Variants in EPB41L4B observed in about 807,000 individuals in gnomAD.
EPB41L4B encodes erythrocyte membrane protein band 4.1 like 4B.
In EPB41L4B, 30 loss-of-function variants were observed where a neutral mutation model predicts 112.5. The ratio of observed to expected loss-of-function variants is 0.27; its 90% CI spans 0.20 to 0.36. EPB41L4B has a LOEUF of 0.36. Ranked by LOEUF, EPB41L4B falls within the 10% of genes least tolerant of loss-of-function variation. The pLI, the probability that EPB41L4B is intolerant of heterozygous loss-of-function variation, is 1.00. For missense variants in EPB41L4B, 1,024 were observed against 1,133.3 expected, an observed-to-expected ratio of 0.90 and a Z score of 1.38; for synonymous variants, 408 against 439.7, an observed-to-expected ratio of 0.93 and a Z score of 0.90.
chr9:109,319,554 G>C (rs770419470), intron 1 of EPB41L4B, among the ~76,000 whole-genome samples: 2 of 152,238 alleles, frequency 1.3e-5, no homozygotes, highest in Non-Finnish European at 2.9e-5. Flanking sequence ...CAGGGAATGG[G>C]AATGGGGTGT....
At position 109,237,141 on chromosome 9, in the gene EPB41L4B, T is replaced by C. The variant is rs758372412; in HGVS notation, c.1409+6477A>G. On this transcript the variant is annotated intron_variant, in intron 15 of 25. Transcript: ENST00000374566. ...TGGAGTCGCTGACCTGGAAGGATGG[T>C]GCAATATTAACAGGCAAGAAGGACT... 4.9e-4 allele frequency among the ~76,000 whole-genome samples: 75 copies of C among 152,190 alleles called. 1 individual carries two copies. Among genetic ancestry groups the C allele is most frequent in the Non-Finnish European group, 1.0e-3 (68 of 68,034 alleles).
intron 11 of EPB41L4B, 145 bp from the exon 12 acceptor site, chr9:109,253,695 T>A: frequency 1.6e-6 from 1 of 640,416 alleles, no homozygotes; most frequent in Non-Finnish European, 2.8e-6. Context: ...ACACAAAGTT[T>A]AACCTTCCAT....
intron 15 of EPB41L4B, among the ~76,000 whole-genome samples, chr9:109,225,352 A>G (rs1162033829): frequency 6.6e-6 from 1 of 152,246 alleles, no homozygotes; most frequent in Non-Finnish European, 1.5e-5. Flanking sequence ...GCTGGTAAAG[A>G]CATACCCGAG....
rs866849535 is a variant in EPB41L4B, at chr9:109,218,553, T to A, written c.1410-1408A>T. Among the ~76,000 whole-genome samples the A allele has an allele frequency of 2.6e-5, 4 of 152,122 alleles. No individual in the cohort carries two copies. The South Asian group carries it at 8.3e-4, about 32-fold the overall frequency. On this transcript the variant is annotated intron_variant, in intron 15 of 25. Coordinates refer to ENST00000374566, the MANE Select transcript of EPB41L4B (RefSeq NM_019114.5). Reference sequence around the variant, plus strand: ...TATCAGGCCCTCTAGAGCCTCTCCATGGACCCAGGTGAAGAGCCCTGGCTT... The same window carrying A: ...TATCAGGCCCTCTAGAGCCTCTCCAAGGACCCAGGTGAAGAGCCCTGGCTT...
intron 1 of EPB41L4B, among the ~76,000 whole-genome samples, chr9:109,313,326 A>G (rs997071753): frequency 1.3e-5 from 2 of 152,254 alleles, no homozygotes; most frequent in African/African-American, 4.8e-5. Flanking sequence ...AAACAATTTA[A>G]AATAAACCAG....
chr9:109,204,885 C>A (rs1326833069), intron 18 of EPB41L4B, among the ~76,000 whole-genome samples: 1 of 152,166 alleles, frequency 6.6e-6, no homozygotes, highest in Non-Finnish European at 1.5e-5. Flanking sequence ...TGCACTGATG[C>A]CAATAGGGGA....
intron 14 of EPB41L4B, 93 bp from the exon 15 acceptor site, chr9:109,243,775 G>A: frequency 8.0e-7 from 1 of 1,247,474 alleles, no homozygotes; most frequent in Non-Finnish European, 1.2e-6. Context: ...CACCCGAGGG[G>A]CTGGGGGACT....
chr9:109,258,784 G>A (rs1835080944), intron 6 of EPB41L4B, among the ~76,000 whole-genome samples: 1 of 152,142 alleles, frequency 6.6e-6, no homozygotes, highest in African/African-American at 2.4e-5. Context: ...GGAGGGAGAG[G>A]CAGAGCGAGA....
intron 17 of EPB41L4B, 54 bp from the exon 18 acceptor site, chr9:109,208,103 G>T: frequency 6.2e-7 from 1 of 1,606,886 alleles, no homozygotes; most frequent in Non-Finnish European, 8.5e-7. Context: ...AGAACCATGT[G>T]CATTAACTTT....
At chr9:109,197,954 G>A (rs1367834944) in intron 20 of EPB41L4B, among the ~76,000 whole-genome samples, 1 of 152,100 alleles carries the variant, frequency 6.6e-6, no homozygotes. Flanking sequence ...AACATTTTGA[G>A]TTTCAAAATG....
intron 15 of EPB41L4B, among the ~76,000 whole-genome samples, chr9:109,232,468 T>C (rs149390928): frequency 1.3e-5 from 2 of 152,198 alleles, no homozygotes; most frequent in East Asian, 1.9e-4. Flanking sequence ...AAGACAAAAA[T>C]AATCATTGTC....
intron 2 of EPB41L4B, among the ~76,000 whole-genome samples, chr9:109,276,191 AC>A (rs1835817035): frequency 6.9e-6 from 1 of 144,780 alleles, no homozygotes; most frequent in African/African-American, 2.6e-5. Context: ...ACACACACAC[AC>A]ACACACACAC....
chr9:109,213,670 T>A lies in EPB41L4B; in HGVS notation c.1752+30A>T, dbSNP rs758766261. 4.4e-6 allele frequency: 7 copies of A among 1,585,114 alleles called. No homozygotes were observed. The East Asian group carries it at 1.6e-4, about 35-fold the overall frequency. On this transcript the variant is annotated intron_variant, in intron 17 of 25. Transcript: ENST00000374566. ...AGGTTTGATGTCAGCACCAAGTCCA[T>A]GGTCATGGCAGAGCCCCGGCCCTTG... is the stretch of plus-strand genomic sequence containing the variant.
chr9:109,237,650 T>C (rs1423929953), intron 15 of EPB41L4B, among the ~76,000 whole-genome samples: 1 of 151,608 alleles, frequency 6.6e-6, no homozygotes, highest in Non-Finnish European at 1.5e-5. Flanking sequence ...TGGTAAGGTG[T>C]GGAGAGGGTT....
At chr9:109,186,931 C>T (rs912803388) in intron 22 of EPB41L4B, among the ~76,000 whole-genome samples, 4 of 152,316 alleles carry the variant, frequency 2.6e-5, no homozygotes, top group African/African-American at 9.6e-5. Context: ...CTGGAAAATA[C>T]CAAACATTGT....
At chr9:109,304,143 T>C (rs1837083113) in intron 1 of EPB41L4B, among the ~76,000 whole-genome samples, 1 of 152,206 alleles carries the variant, frequency 6.6e-6, no homozygotes, top group Non-Finnish European at 1.5e-5. Flanking sequence ...TGTAAAGATT[T>C]TGTGAGAATT....
chr9:109,201,229 T>G, intron 19 of EPB41L4B, among the ~76,000 whole-genome samples: 1 of 152,164 alleles, frequency 6.6e-6, no homozygotes, highest in South Asian at 2.1e-4. Flanking sequence ...GGTGGGCAGA[T>G]GACTTGAGGT....
At position 109,183,387 on chromosome 9, in the gene EPB41L4B, G is replaced by GC. The variant is rs148704707; in HGVS notation, c.2419-591dup. On this transcript the variant is annotated intron_variant, in intron 23 of 25. Coordinates refer to ENST00000374566, the MANE Select transcript of EPB41L4B (RefSeq NM_019114.5). ...ACCCGTGGAAGCATGGGAGAATCCT[G>GC]CCCCCACGGCCTTTGGGAACAGATG... Among the ~76,000 whole-genome samples, 246 of 152,282 alleles carry GC rather than the reference G, an allele frequency of 1.6e-3. 1 individual carries two copies. The highest frequency in any genetic ancestry group is 5.6e-3 in the African/African-American group (234 of 41,546).
At chr9:109,237,122 C>A (rs78629589) in intron 15 of EPB41L4B, among the ~76,000 whole-genome samples, 1,803 of 152,278 alleles carry the variant, frequency 0.012, 32 homozygotes, top group African/African-American at 0.041. Flanking sequence ...AGGCTGGAGT[C>A]GCTGACCTGG....
Sources: allele counts gnomAD v4.1 joint callset (sites outside exome capture counted in the v4.1 genomes callset), GRCh38; gene constraint gnomAD v4.1.1; transcripts MANE v1.5; gene names NCBI Gene and HGNC (gene_info 2026-07-23, HGNC 2026-07-21).